Variants in HPSE2 observed in about 807,000 individuals in gnomAD.
The protein encoded by HPSE2 is heparanase 2 (inactive).
HPSE2 carries 38 observed loss-of-function variants against 60.5 expected under a neutral mutation model. The ratio of observed to expected loss-of-function variants is 0.63; its 90% CI spans 0.48 to 0.82. HPSE2 has a LOEUF of 0.82. HPSE2 is among the 40% of genes least tolerant of loss of function. The pLI is 0.00. For synonymous variants in HPSE2, 295 were observed against 293.2 expected (o/e 1.01, Z -0.06); for missense variants, 713 against 740.4 (o/e 0.96, Z 0.43).
At chr10:99,266,540 C>T in the HPSE2 span, among the ~76,000 whole-genome samples, 2 of 152,096 alleles carry the variant, frequency 1.3e-5, no homozygotes, top group Admixed American at 1.3e-4. Flanking sequence ...CCTGCCCCCA[C>T]GTGATGGTCT....
chr10:98,758,189 A>C (rs1031287070), intron 3 of HPSE2, among the ~76,000 whole-genome samples: 1 of 145,766 alleles, frequency 6.9e-6, no homozygotes, highest in Non-Finnish European at 1.5e-5. Flanking sequence ...AAATCAACTC[A>C]AGATGGGTTA....
intron 9 of HPSE2, among the ~76,000 whole-genome samples, chr10:98,541,584 C>G (rs1049466221): frequency 6.6e-6 from 1 of 152,152 alleles, no homozygotes; most frequent in African/African-American, 2.4e-5. Flanking sequence ...GGGTGACAGA[C>G]GGCACCTGGA....
chr10:98,729,386 G>C (rs192615307), intron 4 of HPSE2, among the ~76,000 whole-genome samples: 1 of 152,180 alleles, frequency 6.6e-6, no homozygotes. Flanking sequence ...AAGATGGGTA[G>C]GTCACGCGGT....
intron 3 of HPSE2, among the ~76,000 whole-genome samples, chr10:99,042,533 G>T (rs1482779717): frequency 6.6e-6 from 1 of 151,990 alleles, no homozygotes; most frequent in Non-Finnish European, 1.5e-5. Flanking sequence ...CAAAGCTTGG[G>T]AGTGCTGAGC....
At chr10:98,473,019 C>T (rs1940844813) in intron 11 of HPSE2, among the ~76,000 whole-genome samples, 1 of 152,128 alleles carries the variant, frequency 6.6e-6, no homozygotes, top group Non-Finnish European at 1.5e-5. Context: ...TCTTCAGGCT[C>T]ATTAATGCTC....
intron 3 of HPSE2, among the ~76,000 whole-genome samples, chr10:99,020,739 T>C (rs1957243639): frequency 6.6e-6 from 1 of 152,158 alleles, no homozygotes; most frequent in South Asian, 2.1e-4. Context: ...AATACAGCAG[T>C]GTCCACCTAG....
intron 3 of HPSE2, among the ~76,000 whole-genome samples, chr10:98,926,328 G>T (rs1467575814): frequency 1.3e-5 from 2 of 152,100 alleles, no homozygotes; most frequent in African/African-American, 4.8e-5. Context: ...TTACAAGTAG[G>T]AGACAAAATT....
chr10:98,752,224 C>T (rs777868889), intron 3 of HPSE2, among the ~76,000 whole-genome samples: 2 of 152,196 alleles, frequency 1.3e-5, no homozygotes, highest in East Asian at 3.9e-4. Context: ...GACAAAGACA[C>T]ATTTTATAAG....
intron 9 of HPSE2, among the ~76,000 whole-genome samples, chr10:98,554,105 T>C (rs1943937013): frequency 1.3e-5 from 2 of 152,188 alleles, no homozygotes; most frequent in Non-Finnish European, 1.5e-5. Context: ...CCCATAATCC[T>C]GAGAGAAATT....
intron 3 of HPSE2, among the ~76,000 whole-genome samples, chr10:98,871,257 T>C (rs1448589362): frequency 6.6e-6 from 1 of 152,168 alleles, no homozygotes; most frequent in Non-Finnish European, 1.5e-5. Flanking sequence ...CTCTAATCCA[T>C]ACAACCCATA....
intron 3 of HPSE2, among the ~76,000 whole-genome samples, chr10:98,865,629 A>T (rs1952568763): frequency 6.6e-6 from 1 of 152,154 alleles, no homozygotes; most frequent in African/African-American, 2.4e-5. Flanking sequence ...AACTCTAGAC[A>T]TCTCCAGAAA....
At chr10:98,470,525 T>C (rs748012414) in intron 11 of HPSE2, among the ~76,000 whole-genome samples, 3 of 152,222 alleles carry the variant, frequency 2.0e-5, no homozygotes, top group African/African-American at 7.2e-5. Flanking sequence ...GGCCCCACTA[T>C]AGGGATAAGC....
At chr10:98,807,565 C>A (rs1951071506) in intron 3 of HPSE2, among the ~76,000 whole-genome samples, 1 of 152,208 alleles carries the variant, frequency 6.6e-6, no homozygotes, top group Admixed American at 6.5e-5. Flanking sequence ...CTTGCTCCCA[C>A]CATTCATAGG....
At chr10:98,969,706 G>A (rs1489949171) in intron 3 of HPSE2, among the ~76,000 whole-genome samples, 2 of 152,122 alleles carry the variant, frequency 1.3e-5, no homozygotes, top group African/African-American at 2.4e-5. Flanking sequence ...CTGAGGGTTT[G>A]TACTATAGTG....
At chr10:98,466,198 C>A (rs1182707576) in intron 11 of HPSE2, among the ~76,000 whole-genome samples, 1 of 152,174 alleles carries the variant, frequency 6.6e-6, no homozygotes. Context: ...TACAGTCTGG[C>A]AAGAGGGGAT....
chr10:98,712,844 A>G (rs1948707196), intron 5 of HPSE2, among the ~76,000 whole-genome samples: 1 of 152,072 alleles, frequency 6.6e-6, no homozygotes, highest in Non-Finnish European at 1.5e-5. Flanking sequence ...TTCATTCTTC[A>G]CTCATTCAAC....
At chr10:98,462,535 C>T (rs1388378625) in intron 11 of HPSE2, among the ~76,000 whole-genome samples, 1 of 152,228 alleles carries the variant, frequency 6.6e-6, no homozygotes, top group Non-Finnish European at 1.5e-5. Flanking sequence ...TGGTCCTTAT[C>T]ATACCTGACT....
chr10:99,118,674 A>G, intron 3 of HPSE2, among the ~76,000 whole-genome samples: 1 of 152,104 alleles, frequency 6.6e-6, no homozygotes, highest in East Asian at 1.9e-4. Context: ...ACTCCATTCA[A>G]TATAGTATTG....
intron 3 of HPSE2, among the ~76,000 whole-genome samples, chr10:99,034,781 C>T (rs1957574002): frequency 6.6e-6 from 1 of 152,134 alleles, no homozygotes; most frequent in African/African-American, 2.4e-5. Context: ...AGGCTATGCT[C>T]CTAGGCTACA....
Sources: gnomAD v4.1 joint callset for allele counts (sites outside exome capture counted in the v4.1 genomes callset) on GRCh38, gnomAD v4.1.1 for gene constraint, MANE v1.5 for transcripts, NCBI Gene and HGNC (gene_info 2026-07-23, HGNC 2026-07-21) for gene names.